The following DIAPH3 variants were observed in gnomAD, a reference collection of about 807,000 sequenced individuals.
DIAPH3 encodes diaphanous related formin 3.
Under a neutral mutation model 144.3 loss-of-function variants are expected in DIAPH3, and 117 were observed. The observed-to-expected ratio is 0.81, with a 90% CI of 0.70 to 0.95. The LOEUF (loss-of-function observed/expected upper bound fraction) is 0.95. DIAPH3 is among the 40% of genes least tolerant of loss of function. The pLI, the probability that DIAPH3 is intolerant of heterozygous loss-of-function variation, is 0.00. For missense variants in DIAPH3, 1,421 were observed against 1,412.7 expected, an observed-to-expected ratio of 1.01 and a Z score of -0.09; for synonymous variants, 519 against 488.9, an observed-to-expected ratio of 1.06 and a Z score of -0.81.
At chr13:59,848,305 A>ATCTTT (rs2042773359) in intron 22 of DIAPH3, among the ~76,000 whole-genome samples, 1 of 66,990 alleles carries the variant, frequency 1.5e-5, no homozygotes, top group Non-Finnish European at 4.0e-5. Flanking sequence ...GTAAAGTCAA[A>ATCTTT]TCTTTTTTTT....
intron 4 of DIAPH3, among the ~76,000 whole-genome samples, chr13:60,046,982 G>A (rs1265435272): frequency 6.6e-6 from 1 of 152,034 alleles, no homozygotes; most frequent in Non-Finnish European, 1.5e-5. Context: ...CGGGGGGTTG[G>A]GGGGCTAAGA....
At chr13:59,713,868 T>C (rs1425990147) in intron 27 of DIAPH3, among the ~76,000 whole-genome samples, 2 of 151,958 alleles carry the variant, frequency 1.3e-5, no homozygotes, top group African/African-American at 4.8e-5. Context: ...TAAGCATGAG[T>C]TGCTGAGCCA....
chr13:60,008,759 A>G, intron 8 of DIAPH3, 110 bp from the exon 9 acceptor site: 2 of 752,022 alleles, frequency 2.7e-6, no homozygotes, highest in East Asian at 4.9e-5. Flanking sequence ...AATATATTTT[A>G]GAAGTAGATT....
At chr13:60,085,746 A>G (rs1408472768) in intron 4 of DIAPH3, among the ~76,000 whole-genome samples, 3 of 152,096 alleles carry the variant, frequency 2.0e-5, no homozygotes, top group Non-Finnish European at 4.4e-5. Context: ...CTTCTTTTAA[A>G]AGCTTCTTTA....
At chr13:59,727,603 G>A (rs1016395326) in intron 27 of DIAPH3, among the ~76,000 whole-genome samples, 12 of 152,148 alleles carry the variant, frequency 7.9e-5, no homozygotes, top group Admixed American at 6.5e-4. Context: ...TGCATTATGG[G>A]ATTTTGGAGA....
At chr13:59,963,546 C>A in intron 17 of DIAPH3, among the ~76,000 whole-genome samples, 1 of 151,606 alleles carries the variant, frequency 6.6e-6, no homozygotes, top group East Asian at 1.9e-4. Flanking sequence ...TGACCCTATT[C>A]TCTTCCTGTG....
intron 22 of DIAPH3, among the ~76,000 whole-genome samples, chr13:59,845,759 CAAT>C (rs943305659): frequency 6.6e-6 from 1 of 152,164 alleles, no homozygotes. Flanking sequence ...CCCTTTCTCC[CAAT>C]CACAACTAGT....
At chr13:59,871,237 A>G (rs1031207096) in intron 21 of DIAPH3, among the ~76,000 whole-genome samples, 3 of 150,234 alleles carry the variant, frequency 2.0e-5, no homozygotes, top group South Asian at 4.2e-4. Context: ...CAATCATTTC[A>G]TCTATGAAGA....
chr13:59,754,537 T>A (rs1318135964), intron 27 of DIAPH3, among the ~76,000 whole-genome samples: 1 of 152,198 alleles, frequency 6.6e-6, no homozygotes, highest in African/African-American at 2.4e-5. Context: ...TGAGTTTGTA[T>A]CCTGACTCTG....
chr13:59,868,195 G>C (rs1371573449), intron 21 of DIAPH3, among the ~76,000 whole-genome samples: 4 of 152,034 alleles, frequency 2.6e-5, no homozygotes, highest in Non-Finnish European at 5.9e-5. Context: ...AAACTCACTG[G>C]AGTCCAACAT....
chr13:59,819,063 G>T (rs1229378974), intron 24 of DIAPH3, among the ~76,000 whole-genome samples: 1 of 151,714 alleles, frequency 6.6e-6, no homozygotes, highest in East Asian at 1.9e-4. Context: ...TTGTGTGTTT[G>T]GTGGTTAGGA....
chr13:59,797,360 T>C (rs1450908047), intron 25 of DIAPH3, among the ~76,000 whole-genome samples: 1 of 152,210 alleles, frequency 6.6e-6, no homozygotes, highest in African/African-American at 2.4e-5. Context: ...ATGCGATAAA[T>C]AAATATTTGC....
At chr13:59,765,678 AAT>A (rs768167347) in intron 27 of DIAPH3, among the ~76,000 whole-genome samples, 1 of 152,000 alleles carries the variant, frequency 6.6e-6, no homozygotes, top group Non-Finnish European at 1.5e-5. Context: ...TGCTTTCACA[AAT>A]AGTCACTGAA....
intron 3 of DIAPH3, among the ~76,000 whole-genome samples, chr13:60,096,296 T>C (rs2058102163): frequency 6.6e-6 from 1 of 152,156 alleles, no homozygotes; most frequent in African/African-American, 2.4e-5. Flanking sequence ...ATACACAGAA[T>C]ACCAAAAAAC....
intron 5 of DIAPH3, among the ~76,000 whole-genome samples, chr13:60,037,447 T>A (rs906147546): frequency 6.6e-6 from 1 of 152,066 alleles, no homozygotes; most frequent in African/African-American, 2.4e-5. Flanking sequence ...AAGTATTCTT[T>A]GGTTCAAGAG....
intron 15 of DIAPH3, among the ~76,000 whole-genome samples, chr13:59,972,344 A>G (rs1645039051): frequency 6.6e-6 from 1 of 152,192 alleles, no homozygotes; most frequent in Non-Finnish European, 1.5e-5. Context: ...AATTTAACAG[A>G]TGCATTTCGA....
chr13:59,926,548 A>C (rs1396887986), intron 17 of DIAPH3, among the ~76,000 whole-genome samples: 1 of 152,112 alleles, frequency 6.6e-6, no homozygotes, highest in Non-Finnish European at 1.5e-5. Flanking sequence ...TTATTTTCTT[A>C]ATTTCTTCAT....
At chr13:60,137,002 G>A (rs796801376) in intron 1 of DIAPH3, among the ~76,000 whole-genome samples, 2 of 152,214 alleles carry the variant, frequency 1.3e-5, no homozygotes, top group African/African-American at 4.8e-5. Context: ...TATTGGTTAA[G>A]GTGTGATATT....
chr13:59,719,285 A>G (rs2035220379), intron 27 of DIAPH3, among the ~76,000 whole-genome samples: 1 of 152,232 alleles, frequency 6.6e-6, no homozygotes, highest in Non-Finnish European at 1.5e-5. Flanking sequence ...TATAATGAAG[A>G]GAGCCACATT....
Sources: allele counts gnomAD v4.1 joint callset (sites outside exome capture counted in the v4.1 genomes callset), GRCh38; gene constraint gnomAD v4.1.1; transcripts MANE v1.5; gene names NCBI Gene and HGNC (gene_info 2026-07-23, HGNC 2026-07-21).